Variants in BBX observed in about 807,000 individuals in gnomAD.
BBX encodes the protein BBX high mobility group box domain containing, also known as HMG box transcription factor BBX.
A neutral mutation model predicts 100.2 loss-of-function variants in BBX; 30 were observed. The ratio of observed to expected loss-of-function variants is 0.30; its 90% CI spans 0.22 to 0.41. BBX has a LOEUF of 0.41. Ranked by LOEUF, BBX falls within the 10% of genes least tolerant of loss-of-function variation. The probability of loss-of-function intolerance (pLI) is 1.00; values close to 1 mark genes in which losing one functional copy is unlikely to be tolerated. For missense variants in BBX, 1,023 were observed against 1,129.8 expected, an observed-to-expected ratio of 0.91 and a Z score of 1.35; for synonymous variants, 376 against 388.1, an observed-to-expected ratio of 0.97 and a Z score of 0.37.
intron 4 of BBX, among the ~76,000 whole-genome samples, chr3:107,716,018 A>G (rs2062077286): frequency 6.6e-6 from 1 of 152,210 alleles, no homozygotes; most frequent in African/African-American, 2.4e-5. Context: ...ATTTTTTTAC[A>G]CAAGACTCTA....
intron 2 of BBX, among the ~76,000 whole-genome samples, chr3:107,551,258 TGTTA>T (rs2049649669): frequency 6.6e-6 from 1 of 152,188 alleles, no homozygotes; most frequent in Non-Finnish European, 1.5e-5. Flanking sequence ...AGTAGCCACG[TGTTA>T]GTTAATTATT....
At chr3:107,599,430 T>G (rs1386419706) in intron 2 of BBX, 3 of 152,178 alleles carry the variant, frequency 2.0e-5, no homozygotes, top group Non-Finnish European at 4.4e-5. Context: ...ATTGTTGGTT[T>G]GGTTTCCTTT....
intron 2 of BBX, among the ~76,000 whole-genome samples, chr3:107,529,833 T>G (rs1394838988): frequency 1.3e-5 from 2 of 152,154 alleles, no homozygotes; most frequent in African/African-American, 2.4e-5. Flanking sequence ...CATTTTTTTT[T>G]TTTTGCTTTC....
At chr3:107,766,362 TTACTC>T (rs2066393669) in intron 10 of BBX, among the ~76,000 whole-genome samples, 1 of 152,236 alleles carries the variant, frequency 6.6e-6, no homozygotes, top group African/African-American at 2.4e-5. Flanking sequence ...AAGACAAAAA[TTACTC>T]TAAAATCCAG....
chr3:107,594,041 A>C (rs1246533472), intron 2 of BBX, among the ~76,000 whole-genome samples: 3 of 152,208 alleles, frequency 2.0e-5, no homozygotes, highest in Non-Finnish European at 4.4e-5. Context: ...ATGAAGGGAG[A>C]TTAAAATGAT....
chr3:107,760,649 T>G (rs1345790824), intron 10 of BBX, among the ~76,000 whole-genome samples: 1 of 152,134 alleles, frequency 6.6e-6, no homozygotes, highest in African/African-American at 2.4e-5. Context: ...CAAAAATGAA[T>G]GTGTGAAACT....
intron 3 of BBX, among the ~76,000 whole-genome samples, chr3:107,651,835 T>C (rs2057857132): frequency 6.6e-6 from 1 of 152,186 alleles, no homozygotes; most frequent in African/African-American, 2.4e-5. Flanking sequence ...TGCTTGAATT[T>C]CTCAACCTGC....
At chr3:107,564,968 A>G (rs9882331) in intron 2 of BBX, among the ~76,000 whole-genome samples, 17,914 of 152,182 alleles carry the variant, frequency 0.12, 1,406 homozygotes, top group Middle Eastern at 0.19. Flanking sequence ...ATCTGGGAAC[A>G]TTCACTCCAT....
intron 6 of BBX, among the ~76,000 whole-genome samples, chr3:107,730,376 G>A (rs868252173): frequency 2.0e-5 from 3 of 152,046 alleles, no homozygotes; most frequent in Non-Finnish European, 2.9e-5. Context: ...CCCAGAAAGA[G>A]TATATAGATA....
intron 2 of BBX, among the ~76,000 whole-genome samples, chr3:107,589,691 T>G (rs2053151497): frequency 6.6e-6 from 1 of 152,178 alleles, no homozygotes; most frequent in Non-Finnish European, 1.5e-5. Flanking sequence ...CTCTTCATTG[T>G]CTCTGGGAAG....
chr3:107,710,866 T>A (rs1197821408), intron 4 of BBX, among the ~76,000 whole-genome samples: 1 of 152,190 alleles, frequency 6.6e-6, no homozygotes, highest in Admixed American at 6.5e-5. Flanking sequence ...TAACTAATGA[T>A]TTGTGGGTAA....
intron 3 of BBX, among the ~76,000 whole-genome samples, chr3:107,673,062 C>G (rs1385882446): frequency 6.6e-6 from 1 of 152,014 alleles, no homozygotes; most frequent in South Asian, 2.1e-4. Flanking sequence ...ATTGGATAAT[C>G]TCTGAAGTAT....
At chr3:107,756,826 G>A (rs531128626) in intron 10 of BBX, among the ~76,000 whole-genome samples, 12 of 152,270 alleles carry the variant, frequency 7.9e-5, no homozygotes, top group African/African-American at 2.9e-4. Context: ...GCAGGGAATA[G>A]TTCTCAAAAG....
intron 2 of BBX, among the ~76,000 whole-genome samples, chr3:107,568,325 C>T (rs1205737671): frequency 6.9e-5 from 10 of 144,572 alleles, no homozygotes; most frequent in Non-Finnish European, 1.2e-4. Flanking sequence ...AGTGCAGTGG[C>T]GGAATCTCGG....
chr3:107,725,659 A>C (rs1007306651), intron 5 of BBX, among the ~76,000 whole-genome samples: 2 of 152,088 alleles, frequency 1.3e-5, no homozygotes, highest in African/African-American at 4.8e-5. Context: ...AATGCTAAAT[A>C]ACAGTAAAAT....
In BBX at chr3:107,798,708, G is replaced by A; in HGVS notation, c.2539G>A (p.Gly847Arg). 15 of 1,613,988 alleles carry A rather than the reference G, an allele frequency of 9.3e-6. No homozygotes were observed. The highest frequency in any genetic ancestry group is 1.3e-5 in the Non-Finnish European group (15 of 1,180,000). Residue 847 changes from glycine to arginine, a missense_variant, in exon 16 of 18, where the codon GGA becomes AGA. Gly to Arg is a moderately radical substitution (Grantham distance 125, BLOSUM62 -2). Around this residue, in one of 9 missense-constraint regions of BBX, gnomAD observed 104 missense variants for 132.2 expected, o/e 0.79. Transcript: ENST00000325805. ...AGCAGATGGCCGGGTATCACCAGCAGGAGGTACTTTGGGTAAGAAGAGAGA... is the reference window on the plus strand; with the variant it reads ...AGCAGATGGCCGGGTATCACCAGCAAGAGGTACTTTGGGTAAGAAGAGAGA... ...RTADGRVSPAGGTLDDKPKEQ... is the reference protein window; with the variant it reads ...RTADGRVSPARGTLDDKPKEQ...
intron 2 of BBX, among the ~76,000 whole-genome samples, chr3:107,594,553 C>G (rs531793406): frequency 6.6e-6 from 1 of 152,168 alleles, no homozygotes; most frequent in Non-Finnish European, 1.5e-5. Flanking sequence ...GACTATGAGC[C>G]CTAGAGTCAG....
intron 3 of BBX, among the ~76,000 whole-genome samples, chr3:107,670,885 T>G (rs1453362103): frequency 6.6e-6 from 1 of 152,128 alleles, no homozygotes; most frequent in East Asian, 1.9e-4. Flanking sequence ...CAAGACATTC[T>G]GGAAGGCTGG....
chr3:107,613,158 C>G (rs992236436), intron 2 of BBX, among the ~76,000 whole-genome samples: 1 of 151,136 alleles, frequency 6.6e-6, no homozygotes, highest in African/African-American at 2.4e-5. Context: ...GGGCTCCCCT[C>G]TGGCCCAGGG....
Sources: allele counts gnomAD v4.1 joint callset (sites outside exome capture counted in the v4.1 genomes callset), GRCh38; gene constraint gnomAD v4.1.1; regional missense constraint gnomAD v4.1.1; transcripts MANE v1.5; gene names NCBI Gene and HGNC (gene_info 2026-07-23, HGNC 2026-07-21).